Variants in SNX31 observed in about 807,000 individuals in gnomAD.
SNX31 encodes the protein sorting nexin-31.
In SNX31, 58 loss-of-function variants were observed where a neutral mutation model predicts 65.4. The observed-to-expected ratio is 0.89, with a 90% confidence interval of 0.72 to 1.10. SNX31 has a LOEUF of 1.10. Ranked by LOEUF, SNX31 falls within the 50% of genes least tolerant of loss-of-function variation. SNX31 has a pLI of 0.00. For missense variants in SNX31, 523 were observed against 529.7 expected (o/e 0.99, Z 0.12); for synonymous variants, 181 against 190.1 (o/e 0.95, Z 0.39).
chr8:100,639,348 TGAGTG>T (rs1317419561), intron 2 of SNX31, among the ~76,000 whole-genome samples: 9 of 152,090 alleles, frequency 5.9e-5, no homozygotes, highest in Admixed American at 3.3e-4. Flanking sequence ...ACTTTGAAAA[TGAGTG>T]GAGTCTGTAA....
chr8:100,635,291 G>A (rs1818688227), intron 3 of SNX31, among the ~76,000 whole-genome samples: 1 of 148,382 alleles, frequency 6.7e-6, no homozygotes, highest in South Asian at 2.2e-4. Context: ...CCAGGCTGGA[G>A]TACGGTGGTG....
chr8:100,633,366 G>A (rs1818538437), intron 3 of SNX31, among the ~76,000 whole-genome samples: 1 of 152,042 alleles, frequency 6.6e-6, no homozygotes, highest in Admixed American at 6.6e-5. Context: ...CTATAAGACA[G>A]TCTCTGTGAT....
intron 3 of SNX31, among the ~76,000 whole-genome samples, chr8:100,631,559 T>C (rs1231937504): frequency 3.3e-5 from 5 of 151,854 alleles, no homozygotes; most frequent in Non-Finnish European, 5.9e-5. Flanking sequence ...TGCCTCAGTC[T>C]CTCAAGTTTT....
At chr8:100,598,069 T>C (rs951249947) in intron 9 of SNX31, among the ~76,000 whole-genome samples, 5 of 152,186 alleles carry the variant, frequency 3.3e-5, no homozygotes, top group South Asian at 2.1e-4. Flanking sequence ...TTACAAGGAC[T>C]CCGGAGGCGT....
At chr8:100,587,574 A>T (rs116159899) in intron 11 of SNX31, among the ~76,000 whole-genome samples, 2,109 of 152,334 alleles carry the variant, frequency 0.014, 41 homozygotes, top group African/African-American at 0.046. Flanking sequence ...AAGTATAAGA[A>T]ATGGATTGCT....
intron 3 of SNX31, among the ~76,000 whole-genome samples, chr8:100,634,574 C>G (rs1345045287): frequency 6.6e-6 from 1 of 151,496 alleles, no homozygotes. Flanking sequence ...TGGTGAAACC[C>G]CATCTCTACT....
chr8:100,597,335 T>C (rs927605096), intron 9 of SNX31, among the ~76,000 whole-genome samples: 6 of 152,016 alleles, frequency 3.9e-5, no homozygotes, highest in African/African-American at 9.7e-5. Context: ...TCCGACTCCC[T>C]GGTTCAAGTG....
At position 100,613,171 on chromosome 8, in the gene SNX31, G is replaced by A. The variant is rs1208779068; in HGVS notation, c.433-86C>T. ...GTGACATGCAGACTTGGAAATGGCCGGTACACATCAATAAAAAATGCTGTC... is the reference window on the plus strand; with the variant it reads ...GTGACATGCAGACTTGGAAATGGCCAGTACACATCAATAAAAAATGCTGTC... On this transcript the variant is annotated intron_variant, in intron 5 of 13. Coordinates refer to ENST00000311812, the MANE Select transcript of SNX31 (RefSeq NM_152628.4). This position sits in a 1 kb window ranked among gnomAD's most constrained non-coding sequence, Gnocchi z 5.2. 11 of 1,012,986 alleles carry A rather than the reference G, an allele frequency of 1.1e-5. No homozygotes were observed. The highest frequency in any genetic ancestry group is 3.8e-5 in the Admixed American group (2 of 52,150). The allele number at this position is 1,012,986 out of a possible 1,614,324, so 62.7% of individuals were successfully genotyped here. A position where few individuals can be genotyped will look rare whatever the true frequency, so the allele number is the denominator to read the frequency against.
chr8:100,616,589 A>G (rs770691426), intron 5 of SNX31, among the ~76,000 whole-genome samples: 1 of 152,192 alleles, frequency 6.6e-6, no homozygotes, highest in Non-Finnish European at 1.5e-5. Flanking sequence ...ATCAATACAG[A>G]AGATTAGCAA....
upstream of SNX31, among the ~76,000 whole-genome samples, chr8:100,649,861 T>C (rs774367550): frequency 9.2e-5 from 14 of 152,194 alleles, no homozygotes; most frequent in South Asian, 2.1e-4. Flanking sequence ...TCCCATTACC[T>C]GCCAACGCTG....
intron 10 of SNX31, among the ~76,000 whole-genome samples, chr8:100,591,093 G>T (rs1437322129): frequency 1.3e-5 from 2 of 152,146 alleles, no homozygotes; most frequent in Admixed American, 1.3e-4. Context: ...GCTCTAGGGA[G>T]TTTTTGACAA....
At chr8:100,620,368 C>T (rs1586981211) in intron 4 of SNX31, among the ~76,000 whole-genome samples, 1 of 152,188 alleles carries the variant, frequency 6.6e-6, no homozygotes, top group South Asian at 2.1e-4. Context: ...TCACATTGCT[C>T]GGTGACCCCA....
chr8:100,599,499 G>T (rs1049641103), intron 9 of SNX31, among the ~76,000 whole-genome samples: 22 of 151,498 alleles, frequency 1.5e-4, no homozygotes, highest in Non-Finnish European at 8.8e-5. Context: ...GCTGGCAGGT[G>T]GGGGGGATAT....
At chr8:100,582,364 T>C (rs1434151069) in intron 12 of SNX31, 1 of 152,194 alleles carries the variant, frequency 6.6e-6, no homozygotes, top group East Asian at 1.9e-4. Flanking sequence ...TTTCTTCTTT[T>C]TAATACATAC....
rs1260415836 is a variant in SNX31 at position 100,588,124 on chromosome 8, AC to A, written c.1092+741del. The stretch of plus-strand genomic sequence containing the variant: ...GAAAAAGGTGAAACATTAAAAAAAA[AC>A]ATAAAAAAGGTACAGTAAAAATACT... On this transcript the variant is annotated intron_variant, in intron 11 of 13. Transcript: ENST00000311812. The surrounding 1 kb of genome is among the most constrained non-coding windows in gnomAD (Gnocchi z 4.8). 2.6e-5 allele frequency among the ~76,000 whole-genome samples: 4 copies of A among 151,964 alleles called. No individual in the cohort carries two copies. The highest frequency in any genetic ancestry group is 9.7e-5 in the African/African-American group (4 of 41,330).
intron 9 of SNX31, among the ~76,000 whole-genome samples, chr8:100,598,601 T>C (rs1815327144): frequency 6.6e-6 from 1 of 151,968 alleles, no homozygotes; most frequent in Non-Finnish European, 1.5e-5. Context: ...TGTTGTGATA[T>C]TACTAACTAT....
Position 100,618,459 on chromosome 8 carries a change from A to G in SNX31, c.322-729T>C, listed in dbSNP as rs79721928. The G allele has an allele frequency of 1.1e-4, 78 of 716,856 alleles. No individual in the cohort carries two copies. In the African/African-American group the frequency reaches 1.2e-3, roughly 11 times the overall value. The allele number at this position is 716,856 out of a possible 1,614,324, so 44.4% of individuals were successfully genotyped here. ...AATTCTCCAGTTCTTGAACATCACA[A>G]TGGCTGTCCAACAATTCAATTCAAT... On this transcript the variant is annotated intron_variant, in intron 4 of 13. Coordinates refer to ENST00000311812, the MANE Select transcript of SNX31 (RefSeq NM_152628.4).
intron 10 of SNX31, among the ~76,000 whole-genome samples, chr8:100,593,965 G>T (rs1385847984): frequency 6.6e-6 from 1 of 152,102 alleles, no homozygotes; most frequent in Non-Finnish European, 1.5e-5. Flanking sequence ...TAATCAAAAT[G>T]AAACATTTTT....
At position 100,600,418 on chromosome 8, in the gene SNX31, TC is replaced by T. The variant is rs762750039; in HGVS notation, c.704del (p.Gly235AspfsTer13). On this transcript the variant is annotated frameshift_variant, in exon 9 of 14. Transcript: ENST00000311812. LOFTEE classifies it high-confidence loss of function. ...TCTGTGCCTGTGTGGGTTTGGCCCA[TC>T]CTTTTTCAATGTCCTGTATTGCCTT... Reference protein sequence around the residue: ...YMQAIQDIEKGWAKPTQAQRQ... With the variant: ...YMQAIQDIEKXWAKPTQAQRQ... 1.2e-6 allele frequency: 2 copies of T among 1,613,596 alleles called. No individual in the cohort carries two copies. The highest frequency in any genetic ancestry group is 1.7e-6 in the Non-Finnish European group (2 of 1,179,778).
Sources: gnomAD v4.1 joint callset for allele counts (sites outside exome capture counted in the v4.1 genomes callset) on GRCh38, gnomAD v4.1.1 for gene constraint, Gnocchi (gnomAD v3.1) non-coding constraint, MANE v1.5 for transcripts, NCBI Gene and HGNC (gene_info 2026-07-23, HGNC 2026-07-21) for gene names.